Variants in LDB3 observed in about 807,000 individuals in gnomAD.
The protein encoded by LDB3 is LIM domain binding 3.
LDB3 carries 49 observed loss-of-function variants against 69.0 expected under a neutral mutation model. The observed-to-expected ratio is 0.71, with a 90% CI of 0.56 to 0.90. The LOEUF (loss-of-function observed/expected upper bound fraction) is 0.90. Among genes scored for constraint, LDB3 ranks in the 40% least tolerant of loss-of-function variants. The pLI, the probability that LDB3 is intolerant of heterozygous loss-of-function variation, is 0.00. For missense variants in LDB3, 928 were observed against 974.1 expected (o/e 0.95, Z 0.63); for synonymous variants, 387 against 396.2 (o/e 0.98, Z 0.28).
chr10:86,704,641 G>A (rs1014237501), intron 7 of LDB3, among the ~76,000 whole-genome samples: 5 of 148,840 alleles, frequency 3.4e-5, no homozygotes, highest in East Asian at 2.0e-4. Flanking sequence ...GTGAATTGGC[G>A]TGATCTCGGC....
chr10:86,699,360 A>G lies in LDB3; in HGVS notation c.896+6789A>G. The G allele has an allele frequency of 2.5e-6, 4 of 1,613,744 alleles. No homozygotes were observed. The highest frequency in any genetic ancestry group is 3.4e-6 in the Non-Finnish European group (4 of 1,179,968). On this transcript the variant is annotated intron_variant, in intron 7 of 13. Transcript: ENST00000361373. The surrounding 1 kb of genome is among the most constrained non-coding windows in gnomAD (Gnocchi z 4.9). ...CCATGGCCTTTCAGCCCAAATCCTT[A>G]ATGTTAAAAGCTAAAAGGCTGCCTG... is the stretch of plus-strand genomic sequence containing the variant.
At position 86,716,313 on chromosome 10, in the gene LDB3, T is replaced by C. The variant is rs1486608602; in HGVS notation, c.1232-14T>C. 13 of 1,611,654 alleles carry C rather than the reference T, an allele frequency of 8.1e-6. No homozygotes were observed. Among genetic ancestry groups the C allele is most frequent in the Non-Finnish European group, 1.1e-5 (13 of 1,179,922 alleles). On this transcript the variant is annotated splice_polypyrimidine_tract_variant and intron_variant, in intron 9 of 13. Coordinates refer to ENST00000361373, the MANE Select transcript of LDB3 (RefSeq NM_007078.3). ...CTGACACACCTTTCTTTGGGTTTTTTTTGGCTTTTGCAGTGCCTGCATCTA... is the reference window on the plus strand; with the variant it reads ...CTGACACACCTTTCTTTGGGTTTTTCTTGGCTTTTGCAGTGCCTGCATCTA...
At position 86,699,891 on chromosome 10, in the gene LDB3, G is replaced by A. The variant is rs1304079597; in HGVS notation, c.897-6640G>A. On this transcript the variant is annotated intron_variant, in intron 7 of 13. Coordinates refer to ENST00000361373, the MANE Select transcript of LDB3 (RefSeq NM_007078.3). This position sits in a 1 kb window ranked among gnomAD's most constrained non-coding sequence, Gnocchi z 4.9. ...CGGAATAGGGCTCTTTGAAGAGGAA[G>A]TAGAAGCCCCAGGGTAATGAGGCAG... 3.0e-6 allele frequency: 3 copies of A among 1,010,816 alleles called. No individual in the cohort carries two copies. The highest frequency in any genetic ancestry group is 9.1e-5 in the East Asian group (1 of 10,974). The allele number at this position is 1,010,816 out of a possible 1,614,324, so 62.6% of individuals were successfully genotyped here. A position where few individuals can be genotyped will look rare whatever the true frequency, so the allele number is the denominator to read the frequency against.
At chr10:86,670,926 A>G (rs1844438293) in intron 2 of LDB3, among the ~76,000 whole-genome samples, 1 of 152,182 alleles carries the variant, frequency 6.6e-6, no homozygotes, top group African/African-American at 2.4e-5. Flanking sequence ...CTGGCAGGGC[A>G]GGCCTTGTGG....
chr10:86,726,001 T>C (rs1327345737), intron 12 of LDB3, 136 bp from the exon 13 acceptor site: 2 of 691,146 alleles, frequency 2.9e-6, no homozygotes, highest in East Asian at 2.7e-5. Flanking sequence ...TGTAACTGAG[T>C]ATTTCATCTG....
At chr10:86,673,561 G>A (rs935239400) in intron 2 of LDB3, among the ~76,000 whole-genome samples, 1 of 152,088 alleles carries the variant, frequency 6.6e-6, no homozygotes, top group Non-Finnish European at 1.5e-5. Flanking sequence ...GTGGGACCAT[G>A]GGGAGACAGA....
In LDB3 at chr10:86,726,214, C is replaced by G. The variant is rs910863988; in HGVS notation, c.2056C>G (p.Leu686Val). ...GGCTGGCGACAAGTTTATCGAAGCC[C>G]TGGGCCACACTTGGCACGACACCTG... ...VEAGDKFIEA[L>V]GHTWHDTCFI... The change falls in exon 13 of 14, where the codon CTG becomes GTG. Residue 686 changes from leucine (L) to valine (V), a missense_variant. By Grantham distance (32) the Leu-to-Val change is conservative. Coordinates refer to ENST00000361373, the MANE Select transcript of LDB3 (RefSeq NM_007078.3). 3.1e-6 allele frequency: 5 copies of G among 1,613,996 alleles called. No homozygotes were observed. Among genetic ancestry groups the G allele is most frequent in the Non-Finnish European group, 4.2e-6 (5 of 1,180,036 alleles).
chr10:86,709,945 T>A lies in LDB3; in HGVS notation c.1126T>A (p.Ser376Thr), dbSNP rs1323415846. 1 of 1,612,844 alleles carries A rather than the reference T, an allele frequency of 6.2e-7. No individual in the cohort carries two copies. The highest frequency in any genetic ancestry group is 8.5e-7 in the Non-Finnish European group (1 of 1,179,998). Residue 376 changes from serine to threonine, a missense_variant, in exon 9 of 14, where the codon TCA becomes ACA. Transcript: ENST00000361373. ...SSYSPAVAASSAPATHTSYSE... is the reference protein window; with the variant it reads ...SSYSPAVAASTAPATHTSYSE... ...CTACAGCCCCGCAGTGGCCGCCTCT[T>A]CAGCACCTGCCACCCACACCAGCTA...
intron 7 of LDB3, among the ~76,000 whole-genome samples, chr10:86,702,951 CTGGTGCTG>C (rs1269051192): frequency 1.3e-5 from 2 of 152,190 alleles, no homozygotes; most frequent in Non-Finnish European, 2.9e-5. Context: ...GATCATCGTC[CTGGTGCTG>C]TGGTCAATGA....
chr10:86,717,837 A>T, intron 10 of LDB3, 127 bp from the exon 11 acceptor site: 2 of 826,122 alleles, frequency 2.4e-6, no homozygotes, highest in Non-Finnish European at 3.8e-6. Flanking sequence ...ATTTCACATT[A>T]CTTCATCAGA....
intron 9 of LDB3, among the ~76,000 whole-genome samples, chr10:86,715,209 G>T (rs960091995): frequency 6.6e-6 from 1 of 152,192 alleles, no homozygotes; most frequent in Non-Finnish European, 1.5e-5. Context: ...CTGCCTCAAT[G>T]CAGTCCATCC....
intron 2 of LDB3, among the ~76,000 whole-genome samples, chr10:86,673,042 T>A (rs909429658): frequency 6.6e-6 from 1 of 152,234 alleles, no homozygotes; most frequent in Non-Finnish European, 1.5e-5. Flanking sequence ...TCCTCTACAC[T>A]GAGCCCTCCC....
In LDB3 at chr10:86,716,783, C is replaced by T; in HGVS notation, c.1676+12C>T. 1 of 1,595,600 alleles carries T rather than the reference C, an allele frequency of 6.3e-7. No homozygotes were observed. The highest frequency in any genetic ancestry group is 8.5e-7 in the Non-Finnish European group (1 of 1,171,592). On this transcript the variant is annotated intron_variant, in intron 10 of 13. Coordinates refer to ENST00000361373, the MANE Select transcript of LDB3 (RefSeq NM_007078.3). The stretch of plus-strand genomic sequence containing the variant: ...AACAATGTCATCCGGTATGGTCCAG[C>T]TGTGCCCCTGCACTGGGGCACTGGA...
At chr10:86,667,935 G>A (rs1844242978), upstream of LDB3, among the ~76,000 whole-genome samples, 1 of 152,234 alleles carries the variant, frequency 6.6e-6, no homozygotes, top group Non-Finnish European at 1.5e-5. Flanking sequence ...TGACCTTGGA[G>A]AAGTCATTTA....
In LDB3 at chr10:86,733,051, T is replaced by C; in HGVS notation, c.*75T>C. ...GGCAACAAAGGATTCGGGAGGCTGA[T>C]GTTTCTTCTGAGGGGAATGGGGAGA... On this transcript the variant is annotated 3_prime_UTR_variant, in exon 14 of 14. Transcript: ENST00000361373. 1.9e-6 allele frequency: 2 copies of C among 1,027,934 alleles called. No individual in the cohort carries two copies. Among genetic ancestry groups the C allele is most frequent in the South Asian group, 2.7e-5 (2 of 74,946 alleles). 63.7% of individuals were successfully genotyped at this position (1,027,934 alleles called of 1,614,324 possible).
At chr10:86,710,732 G>A (rs999381687) in intron 9 of LDB3, among the ~76,000 whole-genome samples, 4 of 152,240 alleles carry the variant, frequency 2.6e-5, no homozygotes, top group Non-Finnish European at 5.9e-5. Flanking sequence ...AGGGAGATGA[G>A]ACAGGCACTG....
In LDB3 at chr10:86,709,940, C is replaced by T. The variant is rs1554860812; in HGVS notation, c.1121C>T (p.Ala374Val). The change falls in exon 9 of 14, where the codon GCC becomes GTC. Residue 374 changes from alanine to valine, a missense_variant. Transcript: ENST00000361373. ...TCTTCCTACAGCCCCGCAGTGGCCG[C>T]CTCTTCAGCACCTGCCACCCACACC... ...QASSYSPAVA[A>V]SSAPATHTSY... is the part of the protein sequence containing the mutation. 6.2e-7 allele frequency: 1 copy of T among 1,612,642 alleles called. No individual in the cohort carries two copies. Among genetic ancestry groups the T allele is most frequent in the Non-Finnish European group, 8.5e-7 (1 of 1,179,988 alleles).
chr10:86,687,082 G>C (rs773370724), intron 5 of LDB3: 1 of 1,613,872 alleles, frequency 6.2e-7, no homozygotes, highest in African/African-American at 1.3e-5. Context: ...CGACTACCAG[G>C]AACGCTTCAA....
rs777413488 is a variant in LDB3, at chr10:86,668,746, G to T, written c.55G>T (p.Gly19Trp). ...CGGGCCCTGGGGCTTCCGTCTGCAG[G>T]GGGGCAAGGACTTCAACATGCCCCT... ...GPGPWGFRLQGGKDFNMPLTI... is the reference protein window; with the variant it reads ...GPGPWGFRLQWGKDFNMPLTI... Residue 19 changes from glycine to tryptophan, a missense_variant, in exon 2 of 14, where the codon GGG becomes TGG. By Grantham distance (184) the Gly-to-Trp change is radical. Transcript: ENST00000361373. 6.2e-7 allele frequency: 1 copy of T among 1,613,288 alleles called. No individual in the cohort carries two copies. The highest frequency in any genetic ancestry group is 1.1e-5 in the South Asian group (1 of 91,078).
Sources: allele counts gnomAD v4.1 joint callset (sites outside exome capture counted in the v4.1 genomes callset), GRCh38; gene constraint gnomAD v4.1.1; non-coding constraint Gnocchi (gnomAD v3.1); transcripts MANE v1.5; gene names NCBI Gene and HGNC (gene_info 2026-07-23, HGNC 2026-07-21).